The following SCHIP1 variants were observed in gnomAD, a reference collection of about 807,000 sequenced individuals.
SCHIP1 encodes the protein schwannomin interacting protein 1.
SCHIP1 carries 8 observed loss-of-function variants against 29.7 expected under a neutral mutation model. The ratio of observed to expected loss-of-function variants is 0.27; its 90% CI spans 0.16 to 0.49. The LOEUF is 0.49. Ranked by LOEUF, SCHIP1 falls within the 20% of genes least tolerant of loss-of-function variation. The pLI, the probability that SCHIP1 is intolerant of heterozygous loss-of-function variation, is 0.99. For synonymous variants in SCHIP1, 76 were observed against 94.9 expected (o/e 0.80, Z 1.16); for missense variants, 193 against 294.6 (o/e 0.66, Z 2.52).
the SCHIP1 span, among the ~76,000 whole-genome samples, chr3:159,359,360 G>C: frequency 0.017 from 2,590 of 152,150 alleles, 92 homozygotes; most frequent in African/African-American, 0.06. Context: ...TACATTTAAT[G>C]GGAATCTAGT....
the SCHIP1 span, among the ~76,000 whole-genome samples, chr3:159,504,429 T>A: frequency 6.6e-6 from 1 of 152,166 alleles, no homozygotes. Flanking sequence ...AATTTTAAAG[T>A]ATATTTACAT....
the SCHIP1 span, among the ~76,000 whole-genome samples, chr3:159,677,425 G>A: frequency 2.6e-5 from 4 of 152,146 alleles, no homozygotes; most frequent in African/African-American, 9.7e-5. Flanking sequence ...GATAGGAAGA[G>A]AAGGGAGTTG....
intron 2 of SCHIP1, among the ~76,000 whole-genome samples, chr3:159,867,941 C>T (rs1714796191): frequency 6.7e-6 from 1 of 149,746 alleles, no homozygotes; most frequent in Non-Finnish European, 1.5e-5. Context: ...ATCCATGTTA[C>T]AAATGAGAGG....
At chr3:159,303,254 G>A in the SCHIP1 span, among the ~76,000 whole-genome samples, 1 of 152,008 alleles carries the variant, frequency 6.6e-6, no homozygotes, top group Non-Finnish European at 1.5e-5. Flanking sequence ...TTAGAAAGGA[G>A]ATGAAAGTAT....
chr3:159,488,423 A>G, the SCHIP1 span, among the ~76,000 whole-genome samples: 1 of 152,226 alleles, frequency 6.6e-6, no homozygotes. Flanking sequence ...GTATCGCTGT[A>G]TCAAAATATT....
the SCHIP1 span, among the ~76,000 whole-genome samples, chr3:159,572,407 A>C: frequency 0.43 from 65,633 of 151,960 alleles, 18,010 homozygotes; most frequent in African/African-American, 0.78. Flanking sequence ...GCAAGTTGTT[A>C]AGTTTCCATG....
chr3:159,382,276 G>A, the SCHIP1 span, among the ~76,000 whole-genome samples: 1 of 122,110 alleles, frequency 8.2e-6, no homozygotes, highest in African/African-American at 3.1e-5. Flanking sequence ...CCCCACAACA[G>A]TCCCCAGAGT....
At chr3:159,380,925 AAC>A in the SCHIP1 span, among the ~76,000 whole-genome samples, 1 of 152,278 alleles carries the variant, frequency 6.6e-6, no homozygotes, top group Admixed American at 6.5e-5. Flanking sequence ...TATATGGAAA[AAC>A]ACAGTCTGCA....
chr3:159,579,100 G>C, the SCHIP1 span, among the ~76,000 whole-genome samples: 1 of 152,084 alleles, frequency 6.6e-6, no homozygotes, highest in African/African-American at 2.4e-5. Flanking sequence ...ATGAAATAAA[G>C]TATTTTATTA....
chr3:159,494,864 A>C, the SCHIP1 span, among the ~76,000 whole-genome samples: 11 of 152,340 alleles, frequency 7.2e-5, no homozygotes, highest in South Asian at 2.3e-3. Context: ...TCAATACAAT[A>C]CTGGCAAACC....
At chr3:159,788,081 A>G in the SCHIP1 span, among the ~76,000 whole-genome samples, 1 of 152,220 alleles carries the variant, frequency 6.6e-6, no homozygotes, top group African/African-American at 2.4e-5. Flanking sequence ...TAGCATTACA[A>G]CAATCCCCGC....
At chr3:159,570,110 G>A in the SCHIP1 span, among the ~76,000 whole-genome samples, 2 of 152,130 alleles carry the variant, frequency 1.3e-5, no homozygotes, top group Non-Finnish European at 2.9e-5. Flanking sequence ...TCACTCTGAT[G>A]GTAGTTTCTT....
the SCHIP1 span, among the ~76,000 whole-genome samples, chr3:159,436,540 C>A: frequency 6.6e-6 from 1 of 152,132 alleles, no homozygotes; most frequent in African/African-American, 2.4e-5. Flanking sequence ...CATTCATCTT[C>A]TTTTTCCAAA....
At chr3:159,273,764 C>G in the SCHIP1 span, 13,558 of 1,601,216 alleles carry the variant, frequency 8.5e-3, 1,495 homozygotes, top group East Asian at 0.25. Flanking sequence ...TCTTTCAAAG[C>G]CAATTTGAAT....
the SCHIP1 span, among the ~76,000 whole-genome samples, chr3:159,436,004 AGT>A: frequency 2.5e-4 from 38 of 152,256 alleles, no homozygotes; most frequent in African/African-American, 8.9e-4. Flanking sequence ...GAACCTCCTA[AGT>A]GTGTGTCTTA....
the SCHIP1 span, among the ~76,000 whole-genome samples, chr3:159,546,669 G>A: frequency 6.6e-6 from 1 of 152,102 alleles, no homozygotes; most frequent in Non-Finnish European, 1.5e-5. Flanking sequence ...GAGAACATGT[G>A]GTGTTTAGTT....
chr3:159,560,848 T>A, the SCHIP1 span, among the ~76,000 whole-genome samples: 2 of 152,214 alleles, frequency 1.3e-5, no homozygotes, highest in Admixed American at 1.3e-4. Context: ...CAGATGGAAG[T>A]AGAATTCAGT....
At chr3:159,662,713 C>A in the SCHIP1 span, among the ~76,000 whole-genome samples, 1 of 152,078 alleles carries the variant, frequency 6.6e-6, no homozygotes, top group African/African-American at 2.4e-5. Flanking sequence ...TAGGCCAAAC[C>A]CATTAACAAT....
the SCHIP1 span, among the ~76,000 whole-genome samples, chr3:159,310,872 T>G: frequency 4.6e-5 from 7 of 152,124 alleles, no homozygotes; most frequent in African/African-American, 1.7e-4. Flanking sequence ...GGTGGTGACC[T>G]GAATAAAATT....
Sources: allele counts gnomAD v4.1 joint callset (sites outside exome capture counted in the v4.1 genomes callset), GRCh38; gene constraint gnomAD v4.1.1; transcripts MANE v1.5; gene names NCBI Gene and HGNC (gene_info 2026-07-23, HGNC 2026-07-21).